CSMD3: variants seen among roughly 807,000 people sequenced by gnomAD.
CSMD3 encodes CUB and Sushi multiple domains 3.
CSMD3 carries 177 observed loss-of-function variants against 435.2 expected under a neutral mutation model. That is an observed-to-expected ratio of 0.41 (90% CI 0.36 to 0.46). CSMD3 has a LOEUF of 0.46. Among genes scored for constraint, CSMD3 ranks in the 20% least tolerant of loss-of-function variants. CSMD3 has a pLI of 0.34. For missense variants in CSMD3, 4,265 were observed against 4,504.6 expected (o/e 0.95, Z 1.52); for synonymous variants, 1,656 against 1,520.5 (o/e 1.09, Z -2.07).
intron 4 of CSMD3, among the ~76,000 whole-genome samples, chr8:113,114,559 A>G (rs2090766016): frequency 6.6e-6 from 1 of 152,186 alleles, no homozygotes; most frequent in Non-Finnish European, 1.5e-5. Context: ...GGCAAAAGAT[A>G]AAGAAGACCA....
At position 112,290,212 on chromosome 8, in the gene CSMD3, G is replaced by A. The variant is rs1459277324; in HGVS notation, c.8975-674C>T. ...GATAGGTAGTTTCAGAATTTAACAT[G>A]TGTCCCCTGTTAGTTGTACTCAGAG... On this transcript the variant is annotated intron_variant, in intron 56 of 70. Transcript: ENST00000297405. 2.6e-5 allele frequency among the ~76,000 whole-genome samples: 4 copies of A among 152,146 alleles called. No homozygotes were observed. The East Asian group carries it at 5.8e-4, about 22-fold the overall frequency.
chr8:113,255,363 T>A (rs2093370723), intron 3 of CSMD3, among the ~76,000 whole-genome samples: 1 of 152,100 alleles, frequency 6.6e-6, no homozygotes, highest in Non-Finnish European at 1.5e-5. Flanking sequence ...AATTATAAAA[T>A]GAAAACTTTT....
chr8:113,359,773 T>C (rs1282190943), intron 1 of CSMD3, among the ~76,000 whole-genome samples: 1 of 152,274 alleles, frequency 6.6e-6, no homozygotes, highest in East Asian at 1.9e-4. Context: ...TTTTACATTC[T>C]GTATTATATA....
At chr8:112,593,766 T>A (rs1162680490) in intron 22 of CSMD3, among the ~76,000 whole-genome samples, 1 of 152,166 alleles carries the variant, frequency 6.6e-6, no homozygotes, top group Non-Finnish European at 1.5e-5. Context: ...ATAATTGTCA[T>A]CAGTGTTAAA....
intron 61 of CSMD3, among the ~76,000 whole-genome samples, chr8:112,256,883 G>A (rs1815856705): frequency 6.6e-6 from 1 of 152,130 alleles, no homozygotes; most frequent in South Asian, 2.1e-4. Flanking sequence ...TTTTGAGAGT[G>A]AAAGGGGATC....
Position 112,324,147 on chromosome 8 carries a change from A to T in CSMD3, c.7166-4166T>A, listed in dbSNP as rs139255803. ...AAGCAAGATCATTACCCTAATTCTC[A>T]TCAGTCTCTCACACAAGATGTCTGC... is the stretch of plus-strand genomic sequence containing the variant. On this transcript the variant is annotated intron_variant, in intron 45 of 70. Coordinates refer to ENST00000297405, the MANE Select transcript of CSMD3 (RefSeq NM_198123.2). 7.5e-3 allele frequency among the ~76,000 whole-genome samples: 1,147 copies of T among 152,032 alleles called. 21 individuals are homozygous for T. The highest frequency in any genetic ancestry group is 0.026 in the African/African-American group (1,073 of 41,506).
intron 54 of CSMD3, 90 bp downstream of exon 54, chr8:112,295,743 A>T (rs996277304): frequency 1.8e-6 from 2 of 1,092,920 alleles, no homozygotes; most frequent in Non-Finnish European, 2.7e-6. Flanking sequence ...TATATATAAC[A>T]ACATAATATA....
intron 1 of CSMD3, among the ~76,000 whole-genome samples, chr8:113,401,996 C>A (rs1195680624): frequency 1.3e-5 from 2 of 151,420 alleles, no homozygotes; most frequent in Non-Finnish European, 3.0e-5. Context: ...AAACACATTT[C>A]TCTGAATGTG....
chr8:112,749,660 C>G (rs2077522331), intron 13 of CSMD3, among the ~76,000 whole-genome samples: 1 of 152,106 alleles, frequency 6.6e-6, no homozygotes, highest in Non-Finnish European at 1.5e-5. Flanking sequence ...TTGTGCAGCA[C>G]TGTGGCCTAA....
chr8:112,544,207 G>C lies in CSMD3; in HGVS notation c.4564+6464C>G, dbSNP rs74564768. 3.4e-4 allele frequency among the ~76,000 whole-genome samples: 51 copies of C among 152,176 alleles called. 2 individuals are homozygous for C. In the East Asian group the frequency reaches 9.9e-3, roughly 29 times the overall value. On this transcript the variant is annotated intron_variant, in intron 27 of 70. Transcript: ENST00000297405. ...CTACACCTAAAAATTTGCTTAAAAA[G>C]TAGATCTCGTGTTAATTGTTCTTAC...
At chr8:112,475,240 C>T (rs1818927455) in intron 31 of CSMD3, among the ~76,000 whole-genome samples, 1 of 152,128 alleles carries the variant, frequency 6.6e-6, no homozygotes, top group Non-Finnish European at 1.5e-5. Context: ...ATTGTGCCAT[C>T]CTACATTAAC....
chr8:112,720,753 G>C (rs2076840427), intron 13 of CSMD3, among the ~76,000 whole-genome samples: 1 of 152,160 alleles, frequency 6.6e-6, no homozygotes, highest in East Asian at 1.9e-4. Flanking sequence ...GCTTCTTAAA[G>C]AGTTCACAGT....
At chr8:112,745,775 T>G (rs2077412207) in intron 13 of CSMD3, among the ~76,000 whole-genome samples, 1 of 151,850 alleles carries the variant, frequency 6.6e-6, no homozygotes, top group Non-Finnish European at 1.5e-5. Flanking sequence ...TAATGCTTAC[T>G]AATACAAAAT....
At chr8:113,246,945 C>T (rs2093282155) in intron 3 of CSMD3, among the ~76,000 whole-genome samples, 1 of 152,168 alleles carries the variant, frequency 6.6e-6, no homozygotes, top group Non-Finnish European at 1.5e-5. Flanking sequence ...AATGCTCCAG[C>T]AATGTCAGAC....
At chr8:113,377,230 C>A (rs1035093618) in intron 1 of CSMD3, 4 of 845,690 alleles carry the variant, frequency 4.7e-6, no homozygotes, top group Non-Finnish European at 6.1e-6. Context: ...GAAGGGCCAG[C>A]CGAGGATACA....
chr8:112,485,139 A>T (rs1015653450), intron 31 of CSMD3, among the ~76,000 whole-genome samples: 15 of 152,142 alleles, frequency 9.9e-5, no homozygotes, highest in Middle Eastern at 3.2e-3. Context: ...GCTCACTAAC[A>T]TTAGCATCTC....
At chr8:112,287,303 C>T (rs1819304070) in intron 57 of CSMD3, 57 bp from the exon 58 acceptor site, 4 of 1,564,546 alleles carry the variant, frequency 2.6e-6, no homozygotes, top group African/African-American at 1.4e-5. Flanking sequence ...TTAAGTTTAC[C>T]AGTTAGTCCA....
At chr8:112,401,270 T>C (rs1293621585) in intron 35 of CSMD3, among the ~76,000 whole-genome samples, 2 of 151,826 alleles carry the variant, frequency 1.3e-5, no homozygotes, top group East Asian at 3.9e-4. Flanking sequence ...GTTTCACAAA[T>C]ATTCTCTTCA....
intron 7 of CSMD3, among the ~76,000 whole-genome samples, chr8:112,964,616 C>T (rs930602648): frequency 1.4e-4 from 21 of 151,904 alleles, no homozygotes; most frequent in South Asian, 6.2e-4. Context: ...GGCTGCATTC[C>T]TTTCTAAAGG....
Sources: gnomAD v4.1 joint callset for allele counts (sites outside exome capture counted in the v4.1 genomes callset) on GRCh38, gnomAD v4.1.1 for gene constraint, MANE v1.5 for transcripts, NCBI Gene and HGNC (gene_info 2026-07-23, HGNC 2026-07-21) for gene names.